The following GRHL2 variants were observed in gnomAD, a reference collection of about 807,000 sequenced individuals.
GRHL2 encodes grainyhead like transcription factor 2, also known as grainyhead-like protein 2 homolog.
Under a neutral mutation model 83.8 loss-of-function variants are expected in GRHL2, and 21 were observed. The observed-to-expected ratio is 0.25, with a 90% CI of 0.18 to 0.36. GRHL2 has a LOEUF of 0.36. GRHL2 is among the 10% of genes least tolerant of loss of function. The pLI, the probability that GRHL2 is intolerant of heterozygous loss-of-function variation, is 1.00. For synonymous variants in GRHL2, 280 were observed against 278.9 expected (o/e 1.00, Z -0.04); for missense variants, 623 against 781.8 (o/e 0.80, Z 2.42).
chr8:101,594,980 T>C (rs1330874497), intron 7 of GRHL2, among the ~76,000 whole-genome samples: 3 of 152,242 alleles, frequency 2.0e-5, no homozygotes, highest in Non-Finnish European at 4.4e-5. Flanking sequence ...AAAAGTAGTC[T>C]TACTATCCTT....
chr8:101,675,991 A>C, the GRHL2 span, among the ~76,000 whole-genome samples: 1 of 152,206 alleles, frequency 6.6e-6, no homozygotes, highest in Non-Finnish European at 1.5e-5. Flanking sequence ...TGATGCTGGG[A>C]AAACTGGCTG....
At chr8:101,527,884 G>T (rs1231088441) in intron 1 of GRHL2, among the ~76,000 whole-genome samples, 1 of 152,190 alleles carries the variant, frequency 6.6e-6, no homozygotes, top group African/African-American at 2.4e-5. Context: ...ATATGGATGA[G>T]AAGTTTATTG....
intron 1 of GRHL2, among the ~76,000 whole-genome samples, chr8:101,537,341 A>G (rs1443225045): frequency 6.6e-6 from 1 of 152,234 alleles, no homozygotes; most frequent in East Asian, 1.9e-4. Flanking sequence ...TCAGAGTTAA[A>G]GAAAGAAGAG....
intron 14 of GRHL2, among the ~76,000 whole-genome samples, chr8:101,649,983 G>C (rs1277070511): frequency 1.3e-5 from 2 of 152,118 alleles, no homozygotes; most frequent in Non-Finnish European, 2.9e-5. Context: ...CCCAACTTGG[G>C]CTCACAAGAA....
chr8:101,652,389 GT>G (rs1359498373), intron 14 of GRHL2, among the ~76,000 whole-genome samples: 194 of 61,050 alleles, frequency 3.2e-3, no homozygotes, highest in South Asian at 0.011. Flanking sequence ...TGTGTGGTGT[GT>G]GTGTGTGTCT....
chr8:101,569,948 C>CT (rs1362038751), intron 4 of GRHL2, among the ~76,000 whole-genome samples: 1 of 152,160 alleles, frequency 6.6e-6, no homozygotes, highest in Non-Finnish European at 1.5e-5. Context: ...TACTGTATTG[C>CT]TTTTTGCTGC....
chr8:101,495,708 T>C (rs1187957994), intron 1 of GRHL2, among the ~76,000 whole-genome samples: 1 of 152,168 alleles, frequency 6.6e-6, no homozygotes, highest in Non-Finnish European at 1.5e-5. Context: ...ATAGGCGTAA[T>C]AGAGGCATGC....
intron 14 of GRHL2, among the ~76,000 whole-genome samples, chr8:101,661,877 C>G (rs1436797437): frequency 6.6e-6 from 1 of 152,146 alleles, no homozygotes; most frequent in African/African-American, 2.4e-5. Flanking sequence ...CCAGGCTTAT[C>G]TTTTTTGGAG....
chr8:101,561,312 A>C (rs1811604724), intron 4 of GRHL2, among the ~76,000 whole-genome samples: 1 of 152,184 alleles, frequency 6.6e-6, no homozygotes. Flanking sequence ...GATCATTGCT[A>C]GGCTAGAAAA....
chr8:101,622,623 T>TGGGAAGAGAG (rs929989286), intron 9 of GRHL2, among the ~76,000 whole-genome samples: 1 of 152,186 alleles, frequency 6.6e-6, no homozygotes, highest in Non-Finnish European at 1.5e-5. Flanking sequence ...TATTAGATGC[T>TGGGAAGAGAG]GGGAAGAGAG....
intron 1 of GRHL2, among the ~76,000 whole-genome samples, chr8:101,495,718 C>T (rs1810087851): frequency 1.3e-5 from 2 of 152,004 alleles, no homozygotes; most frequent in Admixed American, 6.6e-5. Flanking sequence ...TAGAGGCATG[C>T]GAAGATGGAT....
Position 101,669,387 on chromosome 8 carries a change from T to G in GRHL2, c.*2684T>G, listed in dbSNP as rs1814159591. ...AACAGAAAAATGCAGTCAGATGTCA[T>G]CTTGGAATTGGTTTCTAAAAGAGTA... On this transcript the variant is annotated 3_prime_UTR_variant, in exon 16 of 16. Coordinates refer to ENST00000646743, the MANE Select transcript of GRHL2 (RefSeq NM_024915.4). 6.6e-6 allele frequency: 1 copy of G among 152,258 alleles called. No homozygotes were observed. Among genetic ancestry groups the G allele is most frequent in the Admixed American group, 6.6e-5 (1 of 15,224 alleles). The allele number at this position is 152,258 out of a possible 1,614,324, so 9.4% of individuals were successfully genotyped here. A position where few individuals can be genotyped will look rare whatever the true frequency, so the allele number is the denominator to read the frequency against.
At chr8:101,495,595 ATATATT>A (rs1428187327) in intron 1 of GRHL2, among the ~76,000 whole-genome samples, 2 of 152,232 alleles carry the variant, frequency 1.3e-5, no homozygotes, top group Non-Finnish European at 2.9e-5. Flanking sequence ...AATGTATAAA[ATATATT>A]TAGAGAACGT....
intron 1 of GRHL2, among the ~76,000 whole-genome samples, chr8:101,538,047 T>C (rs79639673): frequency 3.5e-4 from 54 of 152,344 alleles, no homozygotes; most frequent in African/African-American, 1.3e-3. Context: ...GATCATCCAC[T>C]AATGGTTTAG....
At chr8:101,628,785 T>C (rs1170565293) in intron 9 of GRHL2, among the ~76,000 whole-genome samples, 2 of 152,078 alleles carry the variant, frequency 1.3e-5, no homozygotes, top group East Asian at 3.9e-4. Flanking sequence ...GACTTTGAGG[T>C]GTTCAGTACT....
chr8:101,513,500 C>CCTTTTTTTTTTT (rs1810505830), intron 1 of GRHL2, among the ~76,000 whole-genome samples: 1 of 100,188 alleles, frequency 1.0e-5, no homozygotes, highest in Non-Finnish European at 1.9e-5. Flanking sequence ...TATCGTTGTG[C>CCTTTTTTTTTTT]TTTTTTTTTT....
At chr8:101,624,239 GCAGTAGGACAGTACACAGTACA>G (rs1813030968) in intron 9 of GRHL2, among the ~76,000 whole-genome samples, 1 of 139,236 alleles carries the variant, frequency 7.2e-6, no homozygotes, top group African/African-American at 2.7e-5. Context: ...AGGACAGTAC[GCAGTAGGACAGTACACAGTACA>G]CAGTAGGACA....
At chr8:101,555,461 C>T (rs2130165796) in intron 3 of GRHL2, among the ~76,000 whole-genome samples, 1 of 152,160 alleles carries the variant, frequency 6.6e-6, no homozygotes, top group East Asian at 1.9e-4. Flanking sequence ...TTTTTTATTA[C>T]TGATTTCATG....
intron 4 of GRHL2, among the ~76,000 whole-genome samples, chr8:101,567,866 C>A (rs1811747344): frequency 6.6e-6 from 1 of 152,180 alleles, no homozygotes. Context: ...AAATCTATGG[C>A]ATGGATGGTA....
Sources: gnomAD v4.1 joint callset for allele counts (sites outside exome capture counted in the v4.1 genomes callset) on GRCh38, gnomAD v4.1.1 for gene constraint, MANE v1.5 for transcripts, NCBI Gene and HGNC (gene_info 2026-07-23, HGNC 2026-07-21) for gene names.